MERTK: variants seen among roughly 807,000 people sequenced by gnomAD.
The protein encoded by MERTK is tyrosine-protein kinase Mer.
A neutral mutation model predicts 99.3 loss-of-function variants in MERTK; 69 were observed. The ratio of observed to expected loss-of-function variants is 0.70; its 90% CI spans 0.57 to 0.85. The LOEUF (loss-of-function observed/expected upper bound fraction) is 0.85. Ranked by LOEUF, MERTK falls within the 40% of genes least tolerant of loss-of-function variation. The pLI is 0.00. For synonymous variants in MERTK, 426 were observed against 467.6 expected (o/e 0.91, Z 1.15); for missense variants, 1,125 against 1,249.4 (o/e 0.90, Z 1.50).
chr2:111,959,103 G>A, intron 4 of MERTK, among the ~76,000 whole-genome samples: 1 of 152,210 alleles, frequency 6.6e-6, no homozygotes, highest in African/African-American at 2.4e-5. Context: ...ATGCAGCCTG[G>A]TGGTTGAAAT....
chr2:111,972,004 T>C (rs900045329), intron 6 of MERTK, among the ~76,000 whole-genome samples: 1 of 152,256 alleles, frequency 6.6e-6, no homozygotes, highest in Non-Finnish European at 1.5e-5. Context: ...CAGGGCCTCT[T>C]TCCCTAGAGG....
chr2:111,941,140 T>C, intron 2 of MERTK: 1 of 352,934 alleles, frequency 2.8e-6, no homozygotes, highest in Non-Finnish European at 5.4e-6. Flanking sequence ...TGCCATTCTT[T>C]TTCCTACCTT....
chr2:111,928,040 T>G (rs760445568), intron 1 of MERTK, among the ~76,000 whole-genome samples: 1 of 152,182 alleles, frequency 6.6e-6, no homozygotes, highest in Non-Finnish European at 1.5e-5. Context: ...CTTCCCTTGC[T>G]CAGAAACCAT....
At chr2:111,908,882 G>A (rs1171296218) in intron 1 of MERTK, among the ~76,000 whole-genome samples, 1 of 152,198 alleles carries the variant, frequency 6.6e-6, no homozygotes, top group Non-Finnish European at 1.5e-5. Flanking sequence ...TACCAGCTGA[G>A]TCTGTCCTTT....
intron 9 of MERTK, among the ~76,000 whole-genome samples, chr2:111,995,950 A>G (rs539021834): frequency 3.3e-5 from 5 of 151,974 alleles, no homozygotes; most frequent in Non-Finnish European, 7.4e-5. Context: ...CCCATCTCCA[A>G]AACAAAACAA....
At chr2:111,996,088 T>C (rs1262872855) in intron 9 of MERTK, 3 of 154,372 alleles carry the variant, frequency 1.9e-5, no homozygotes, top group Non-Finnish European at 4.4e-5. Context: ...GGCAGTTGGA[T>C]CACTTGAGGT....
intron 2 of MERTK, among the ~76,000 whole-genome samples, chr2:111,941,522 G>A (rs1315446710): frequency 6.6e-6 from 1 of 152,142 alleles, no homozygotes; most frequent in Non-Finnish European, 1.5e-5. Context: ...TGGTGGTTGG[G>A]ATGCCTAGAT....
chr2:111,944,303 C>CAAAAAAAAAAAAAAAAAAAAAAAA, intron 2 of MERTK, among the ~76,000 whole-genome samples: 1 of 68,082 alleles, frequency 1.5e-5, no homozygotes, highest in Non-Finnish European at 2.9e-5. Flanking sequence ...GAATCTGTCT[C>CAAAAAAAAAAAAAAAAAAAAAAAA]AAAAAAAAAA....
At chr2:111,969,654 A>G (rs1236714189) in intron 6 of MERTK, among the ~76,000 whole-genome samples, 1 of 151,490 alleles carries the variant, frequency 6.6e-6, no homozygotes, top group East Asian at 1.9e-4. Flanking sequence ...TATCCGTAAA[A>G]TAGCCTCCGC....
chr2:112,010,051 G>A lies in MERTK; in HGVS notation c.2064G>A (p.Leu688=), dbSNP rs544336039. 5 of 1,610,164 alleles carry A rather than the reference G, an allele frequency of 3.1e-6. No homozygotes were observed. The South Asian group carries it at 3.3e-5, about 11-fold the overall frequency. Reference sequence around the variant, plus strand: ...ATACTTACTTACTTTATTCCCGATTGGAGACAGGACCAAAGGTAATGATCT... The same window carrying A: ...ATACTTACTTACTTTATTCCCGATTAGAGACAGGACCAAAGGTAATGATCT... ...DLHTYLLYSR[L]ETGPKHIPLQ... The change falls in exon 15 of 19, where the codon TTG becomes TTA. Residue 688 remains leucine (L), a synonymous_variant. Transcript: ENST00000295408.
chr2:111,929,637 A>G lies in MERTK; in HGVS notation c.482+97A>G. Reference sequence around the variant, plus strand: ...AGTATCATTCTGTAGCCCAGGCTGGAGTGCAGTGGCACGATCTCAGCTCAT... The same window carrying G: ...AGTATCATTCTGTAGCCCAGGCTGGGGTGCAGTGGCACGATCTCAGCTCAT... On this transcript the variant is annotated intron_variant, in intron 2 of 18. Transcript: ENST00000295408. 4.1e-6 allele frequency: 4 copies of G among 964,932 alleles called. 1 individual carries two copies. In the Admixed American group the frequency reaches 1.1e-4, roughly 26 times the overall value. 59.8% of individuals were successfully genotyped at this position (964,932 alleles called of 1,614,324 possible).
intron 2 of MERTK, among the ~76,000 whole-genome samples, chr2:111,934,295 C>T (rs1272651546): frequency 6.6e-6 from 1 of 152,152 alleles, no homozygotes; most frequent in African/African-American, 2.4e-5. Context: ...GAGGAATTGC[C>T]ACACTATCTT....
At chr2:111,909,563 A>G (rs72938416) in intron 1 of MERTK, among the ~76,000 whole-genome samples, 5,408 of 152,298 alleles carry the variant, frequency 0.036, 310 homozygotes, top group African/African-American at 0.12. Context: ...TAGATTAAGT[A>G]CATTTACTGA....
chr2:111,964,346 T>C (rs1455600811), intron 4 of MERTK, among the ~76,000 whole-genome samples: 1 of 151,892 alleles, frequency 6.6e-6, no homozygotes, highest in Non-Finnish European at 1.5e-5. Context: ...CTGTGTCTCT[T>C]TGACATGCCC....
At chr2:112,025,612 G>C (rs2104427402) in intron 18 of MERTK, among the ~76,000 whole-genome samples, 1 of 152,298 alleles carries the variant, frequency 6.6e-6, no homozygotes, top group African/African-American at 2.4e-5. Flanking sequence ...GAGTGGCAGA[G>C]CTGGGTAGAT....
At chr2:111,903,817 G>A (rs567010821) in intron 1 of MERTK, among the ~76,000 whole-genome samples, 10 of 152,300 alleles carry the variant, frequency 6.6e-5, no homozygotes, top group Non-Finnish European at 1.0e-4. Context: ...TTAGGAGGAC[G>A]TAATGAGCTA....
chr2:111,975,246 C>G, intron 6 of MERTK, 43 bp from the exon 7 acceptor site: 1 of 1,604,136 alleles, frequency 6.2e-7, no homozygotes, highest in Non-Finnish European at 8.5e-7. Flanking sequence ...GACATTCCCA[C>G]CACCTTACTA....
chr2:111,968,267 T>C lies in MERTK; in HGVS notation c.960+15T>C. On this transcript the variant is annotated intron_variant, in intron 6 of 18. Transcript: ENST00000295408. ...GCAGCATTCAGGTAAAGTTCCAGGG[T>C]GAAGAGGGAAGTAGCTGTTTGGTGC... The C allele has an allele frequency of 5.0e-6, 8 of 1,592,940 alleles. No individual in the cohort carries two copies. Among genetic ancestry groups the C allele is most frequent in the Non-Finnish European group, 6.9e-6 (8 of 1,160,856 alleles).
chr2:112,019,202 A>C lies in MERTK; in HGVS notation c.2080-211A>C, dbSNP rs1033867896. 1.8e-4 allele frequency: 119 copies of C among 676,206 alleles called. No homozygotes were observed. In the African/African-American group the frequency reaches 1.8e-3, roughly 10 times the overall value. 41.9% of individuals were successfully genotyped at this position (676,206 alleles called of 1,614,324 possible). The stretch of plus-strand genomic sequence containing the variant: ...TACTTTTAAAGATGGGGAAAAGAGA[A>C]TATGATGTTTGCCAAGAAGTTTAAG... On this transcript the variant is annotated intron_variant, in intron 15 of 18. Transcript: ENST00000295408.
Sources: gnomAD v4.1 joint callset for allele counts (sites outside exome capture counted in the v4.1 genomes callset) on GRCh38, gnomAD v4.1.1 for gene constraint, MANE v1.5 for transcripts, NCBI Gene and HGNC (gene_info 2026-07-23, HGNC 2026-07-21) for gene names.